MTA3: variants seen among roughly 807,000 people sequenced by gnomAD.
The protein encoded by MTA3 is metastasis associated 1 family member 3, also known as metastasis-associated protein MTA3.
MTA3 carries 34 observed loss-of-function variants against 83.5 expected under a neutral mutation model. The observed-to-expected ratio is 0.41, with a 90% CI of 0.31 to 0.54. The LOEUF (loss-of-function observed/expected upper bound fraction) is 0.54. Among genes scored for constraint, MTA3 ranks in the 20% least tolerant of loss-of-function variants. The pLI is 0.33. For missense variants in MTA3, 761 were observed against 726.4 expected, an observed-to-expected ratio of 1.05 and a Z score of -0.55; for synonymous variants, 303 against 252.7, an observed-to-expected ratio of 1.20 and a Z score of -1.89.
intron 4 of MTA3, among the ~76,000 whole-genome samples, chr2:42,629,451 A>AT (rs1411999692): frequency 6.6e-6 from 1 of 151,818 alleles, no homozygotes; most frequent in Non-Finnish European, 1.5e-5. Flanking sequence ...TAAAATTTAA[A>AT]TTTTTTTTGG....
chr2:42,739,587 C>G (rs1013077522), intron 16 of MTA3, among the ~76,000 whole-genome samples: 2 of 152,132 alleles, frequency 1.3e-5, no homozygotes, highest in South Asian at 4.1e-4. Flanking sequence ...GTGACAGTTT[C>G]TTAAAGTAAG....
chr2:42,737,055 G>C (rs931968932), intron 16 of MTA3, among the ~76,000 whole-genome samples: 1 of 152,218 alleles, frequency 6.6e-6, no homozygotes, highest in Admixed American at 6.5e-5. Context: ...GGAGGAAGGA[G>C]TCTCTGCAAG....
In MTA3 at chr2:42,691,651, A is replaced by C. The variant is rs4952911; in HGVS notation, c.892-4114A>C. Among the ~76,000 whole-genome samples, 16 of 152,082 alleles carry C rather than the reference A, an allele frequency of 1.1e-4. No individual in the cohort carries two copies. In the East Asian group the frequency reaches 3.1e-3, roughly 29 times the overall value. ...AGATGATTTCCTCTTGCTCACCAAC[A>C]TCTATTTTTTTCTGATTAAAGAACT... On this transcript the variant is annotated intron_variant, in intron 9 of 16. Coordinates refer to ENST00000405094, the MANE Select transcript of MTA3 (RefSeq NM_001330442.2).
intron 2 of MTA3, among the ~76,000 whole-genome samples, chr2:42,532,008 G>A (rs1347368214): frequency 2.0e-5 from 3 of 151,462 alleles, no homozygotes; most frequent in Admixed American, 6.6e-5. Context: ...TGCCCACCTC[G>A]GCCTCCCAAA....
chr2:42,547,327 T>C (rs1031887292), intron 2 of MTA3, among the ~76,000 whole-genome samples: 4 of 152,198 alleles, frequency 2.6e-5, no homozygotes, highest in African/African-American at 9.6e-5. Flanking sequence ...AGCTCTGCGT[T>C]TGCCTTATTA....
Position 42,753,774 on chromosome 2 carries a change from C to A in MTA3, c.*375C>A, listed in dbSNP as rs1558645887. The A allele has an allele frequency of 8.9e-7, 1 of 1,124,004 alleles. No homozygotes were observed. Among genetic ancestry groups the A allele is most frequent in the Non-Finnish European group, 1.1e-6 (1 of 912,156 alleles). The allele number at this position is 1,124,004 out of a possible 1,614,324, so 69.6% of individuals were successfully genotyped here. A position where few individuals can be genotyped will look rare whatever the true frequency, so the allele number is the denominator to read the frequency against. On this transcript the variant is annotated 3_prime_UTR_variant, in exon 17 of 17. Coordinates refer to ENST00000405094, the MANE Select transcript of MTA3 (RefSeq NM_001330442.2). The stretch of plus-strand genomic sequence containing the variant: ...CAAGCTCAGAGCCGCTGCCACCCTG[C>A]ATGTGTCCGCTCAGCTCGGTCTTAT...
chr2:42,503,857 A>C (rs928287944), intron 2 of MTA3, among the ~76,000 whole-genome samples: 1 of 152,078 alleles, frequency 6.6e-6, no homozygotes, highest in African/African-American at 2.4e-5. Flanking sequence ...AACAAAATGA[A>C]AGAAAGGAAA....
intron 2 of MTA3, among the ~76,000 whole-genome samples, chr2:42,535,443 A>T (rs1676184954): frequency 6.6e-6 from 1 of 151,636 alleles, no homozygotes; most frequent in African/African-American, 2.4e-5. Flanking sequence ...TGGAGATGGG[A>T]TCTCACCATG....
At chr2:42,682,278 T>C (rs944290468) in intron 8 of MTA3, 123 bp from the exon 9 acceptor site, 1 of 674,746 alleles carries the variant, frequency 1.5e-6, no homozygotes, top group Admixed American at 3.4e-5. Context: ...TTTAAAATTT[T>C]GTTAAAAAAT....
chr2:42,632,892 C>T (rs1386227211), intron 4 of MTA3, among the ~76,000 whole-genome samples: 2 of 151,678 alleles, frequency 1.3e-5, no homozygotes, highest in East Asian at 3.9e-4. Context: ...AGTAACAGAT[C>T]TTCTATTCAA....
intron 2 of MTA3, among the ~76,000 whole-genome samples, chr2:42,555,451 A>G (rs1677334169): frequency 1.5e-5 from 1 of 65,856 alleles, no homozygotes; most frequent in African/African-American, 7.8e-5. Flanking sequence ...GCGAAACTCC[A>G]TCTCAAAAAA....
At chr2:42,665,074 A>G (rs1013171611) in intron 8 of MTA3, among the ~76,000 whole-genome samples, 2 of 152,206 alleles carry the variant, frequency 1.3e-5, no homozygotes, top group African/African-American at 2.4e-5. Flanking sequence ...TCGTTTTGTT[A>G]AAATATAAGA....
At chr2:42,750,656 C>T (rs1342881918) in intron 16 of MTA3, among the ~76,000 whole-genome samples, 2 of 152,202 alleles carry the variant, frequency 1.3e-5, no homozygotes, top group African/African-American at 4.8e-5. Flanking sequence ...TACCTGCATT[C>T]TGAGAGCTTC....
chr2:42,746,099 A>G (rs896103867), intron 16 of MTA3, among the ~76,000 whole-genome samples: 2 of 152,148 alleles, frequency 1.3e-5, no homozygotes, highest in Non-Finnish European at 2.9e-5. Flanking sequence ...GGCGTGAGCC[A>G]CTGCGCCCTG....
Position 42,737,052 on chromosome 2 carries a change from G to A in MTA3, c.1759+14017G>A, listed in dbSNP as rs535200178. Among the ~76,000 whole-genome samples, 7 of 152,326 alleles carry A rather than the reference G, an allele frequency of 4.6e-5. No homozygotes were observed. In the South Asian group the frequency reaches 8.3e-4, roughly 18 times the overall value. On this transcript the variant is annotated intron_variant, in intron 16 of 16. Coordinates refer to ENST00000405094, the MANE Select transcript of MTA3 (RefSeq NM_001330442.2). ...CCTTTTCTCTCCTAAGCAGGAGGAA[G>A]GAGTCTCTGCAAGGGCTGTGAGCTG...
Position 42,638,918 on chromosome 2 carries a change from A to G in MTA3, c.318-1255A>G, listed in dbSNP as rs1434357387. Among the ~76,000 whole-genome samples the G allele has an allele frequency of 4.0e-5, 6 of 151,246 alleles. No individual in the cohort carries two copies. In the East Asian group the frequency reaches 9.7e-4, roughly 24 times the overall value. Reference sequence around the variant, plus strand: ...TTTTTTTTTTTAATTTAAAGAGTATATAGTTGCAAAATGTTTAGCAAGCTG... The same window carrying G: ...TTTTTTTTTTTAATTTAAAGAGTATGTAGTTGCAAAATGTTTAGCAAGCTG... On this transcript the variant is annotated intron_variant, in intron 4 of 16. Coordinates refer to ENST00000405094, the MANE Select transcript of MTA3 (RefSeq NM_001330442.2).
chr2:42,656,336 A>C, intron 7 of MTA3, 34 bp downstream of exon 7: 1 of 1,369,326 alleles, frequency 7.3e-7, no homozygotes, highest in South Asian at 1.3e-5. Context: ...GAGTCAATAA[A>C]TTTCTTTATA....
At chr2:42,642,934 T>A (rs1367327362) in intron 5 of MTA3, among the ~76,000 whole-genome samples, 1 of 152,122 alleles carries the variant, frequency 6.6e-6, no homozygotes, top group Non-Finnish European at 1.5e-5. Flanking sequence ...CATGAGCCAC[T>A]GCACCTGGCC....
chr2:42,551,999 T>C (rs1446344819), intron 2 of MTA3, among the ~76,000 whole-genome samples: 1 of 152,164 alleles, frequency 6.6e-6, no homozygotes, highest in Non-Finnish European at 1.5e-5. Flanking sequence ...GTGCTGGGAT[T>C]ACAAGTGTGA....
Sources: gnomAD v4.1 joint callset for allele counts (sites outside exome capture counted in the v4.1 genomes callset) on GRCh38, gnomAD v4.1.1 for gene constraint, MANE v1.5 for transcripts, NCBI Gene and HGNC (gene_info 2026-07-23, HGNC 2026-07-21) for gene names.